GRAMD1C: variants seen among roughly 807,000 people sequenced by gnomAD.
GRAMD1C encodes protein Aster-C.
GRAMD1C carries 89 observed loss-of-function variants against 97.8 expected under a neutral mutation model. The observed-to-expected ratio is 0.91, with a 90% CI of 0.77 to 1.09. The LOEUF (loss-of-function observed/expected upper bound fraction) is 1.09. Among genes scored for constraint, GRAMD1C ranks in the 50% least tolerant of loss-of-function variants. The probability of loss-of-function intolerance (pLI) is 0.00; values close to 1 mark genes in which losing one functional copy is unlikely to be tolerated. For synonymous variants in GRAMD1C, 256 were observed against 267.0 expected, an observed-to-expected ratio of 0.96 and a Z score of 0.40; for missense variants, 740 against 766.4, an observed-to-expected ratio of 0.97 and a Z score of 0.41.
At chr3:113,945,293 C>T (rs1038322044) in intron 17 of GRAMD1C, 105 bp from the exon 18 acceptor site, 2 of 706,812 alleles carry the variant, frequency 2.8e-6, no homozygotes, top group African/African-American at 3.6e-5. Flanking sequence ...TCAGTATAAA[C>T]AAAACTATAT....
chr3:113,933,311 C>T (rs1215334071), intron 11 of GRAMD1C, among the ~76,000 whole-genome samples, 200 bp from the exon 12 acceptor site: 1 of 152,210 alleles, frequency 6.6e-6, no homozygotes, highest in Admixed American at 6.5e-5. Context: ...GGATTACAGG[C>T]ATAAGCCGCC....
intron 2 of GRAMD1C, among the ~76,000 whole-genome samples, chr3:113,859,884 C>T (rs552161142): frequency 6.6e-6 from 1 of 152,302 alleles, no homozygotes; most frequent in African/African-American, 2.4e-5. Flanking sequence ...CAGCACTTCC[C>T]AGATTATTCT....
chr3:113,840,225 C>A (rs1219681399), intron 1 of GRAMD1C, among the ~76,000 whole-genome samples: 1 of 152,112 alleles, frequency 6.6e-6, no homozygotes, highest in East Asian at 1.9e-4. Flanking sequence ...CTCGGCCTCC[C>A]AAAGTACTGG....
intron 5 of GRAMD1C, among the ~76,000 whole-genome samples, chr3:113,879,185 A>G (rs940346494): frequency 2.0e-5 from 3 of 146,444 alleles, no homozygotes; most frequent in African/African-American, 5.1e-5. Flanking sequence ...AGCCTGGGTG[A>G]CAGAGTGAGA....
intron 6 of GRAMD1C, among the ~76,000 whole-genome samples, chr3:113,887,092 T>G (rs13080001): frequency 0.14 from 15,205 of 111,660 alleles, 1,175 homozygotes; most frequent in South Asian, 0.21. Context: ...TTTGTTTTTT[T>G]TTTGTTTTTT....
chr3:113,938,542 A>C (rs990515238), intron 15 of GRAMD1C: 1 of 154,752 alleles, frequency 6.5e-6, no homozygotes, highest in African/African-American at 2.4e-5. Context: ...TGTGCCTAAG[A>C]ATCACTTGGG....
intron 14 of GRAMD1C, 78 bp downstream of exon 14, chr3:113,936,520 G>T (rs1400902869): frequency 3.4e-6 from 3 of 879,658 alleles, no homozygotes; most frequent in Non-Finnish European, 5.4e-6. Context: ...TTGTTTGTAA[G>T]AATATGTCAG....
chr3:113,945,603 T>C lies in GRAMD1C; in HGVS notation c.*125T>C. ...GTTTTTTCATTATTGAGATTTCTAA[T>C]ATGAACATTTCTTTCAGTAACATTT... is the stretch of plus-strand genomic sequence containing the variant. On this transcript the variant is annotated 3_prime_UTR_variant, in exon 18 of 18. Coordinates refer to ENST00000358160, the MANE Select transcript of GRAMD1C (RefSeq NM_017577.5). 1.6e-6 allele frequency: 1 copy of C among 606,964 alleles called. No individual in the cohort carries two copies. Among genetic ancestry groups the C allele is most frequent in the Non-Finnish European group, 3.0e-6 (1 of 337,948 alleles). The allele number at this position is 606,964 out of a possible 1,614,324, so 37.6% of individuals were successfully genotyped here.
intron 3 of GRAMD1C, among the ~76,000 whole-genome samples, chr3:113,874,385 G>GTC (rs1486049642): frequency 6.6e-6 from 1 of 151,526 alleles, no homozygotes; most frequent in African/African-American, 2.4e-5. Flanking sequence ...TGGAGACAGA[G>GTC]TCTCGCTCCC....
At position 113,934,475 on chromosome 3, in the gene GRAMD1C, G is replaced by T. The variant is rs1192708490; in HGVS notation, c.1396G>T (p.Val466Phe). The T allele has an allele frequency of 6.3e-7, 1 of 1,589,202 alleles. No individual in the cohort carries two copies. The highest frequency in any genetic ancestry group is 2.3e-5 in the East Asian group (1 of 44,054). The change falls in exon 13 of 18, where the codon GTC becomes TTC. Residue 466 changes from valine to phenylalanine, a missense_variant. Physicochemically the swap from Val to Phe is conservative, Grantham distance 50. Transcript: ENST00000358160. The part of the protein sequence containing the change: ...LKYRKQPWGL[V>F]KSLIEKNSWS... ...ATACAGAAAACAGCCATGGGGCCTT[G>T]TCAAATCTTTAATTGAAAAGAATTC...
intron 3 of GRAMD1C, among the ~76,000 whole-genome samples, chr3:113,872,919 A>G (rs1392250143): frequency 1.6e-5 from 2 of 128,446 alleles, no homozygotes; most frequent in Non-Finnish European, 3.1e-5. Context: ...TAAAAATACA[A>G]AAAAAAAAAA....
intron 2 of GRAMD1C, among the ~76,000 whole-genome samples, chr3:113,868,817 G>T (rs570370694): frequency 6.6e-6 from 1 of 152,284 alleles, no homozygotes; most frequent in Non-Finnish European, 1.5e-5. Flanking sequence ...TCTCTAGTTT[G>T]TGTTACGCAC....
At position 113,889,962 on chromosome 3, in the gene GRAMD1C, C is replaced by A. The variant is rs115772655; in HGVS notation, c.540+7130C>A. Among the ~76,000 whole-genome samples, 1,420 of 152,142 alleles carry A rather than the reference C, an allele frequency of 9.3e-3. 18 individuals carry two copies. The highest frequency in any genetic ancestry group is 0.031 in the African/African-American group (1,284 of 41,468). On this transcript the variant is annotated intron_variant, in intron 6 of 17. Coordinates refer to ENST00000358160, the MANE Select transcript of GRAMD1C (RefSeq NM_017577.5). ...AGAAAGTTTCTTTCTTTGAAGCTGG[C>A]AGGTGGGAACTTAGCCTCCTCTCCT... is the stretch of plus-strand genomic sequence containing the variant.
At chr3:113,838,585 A>G (rs983419040), upstream of GRAMD1C, 2 of 297,200 alleles carry the variant, frequency 6.7e-6, no homozygotes, top group Non-Finnish European at 1.2e-5. Context: ...CAAAAAAAAA[A>G]AAAAAAAGTT....
intron 6 of GRAMD1C, among the ~76,000 whole-genome samples, chr3:113,898,739 G>A (rs887298847): frequency 1.3e-5 from 2 of 152,200 alleles, no homozygotes; most frequent in East Asian, 3.9e-4. Context: ...GGTTAATATA[G>A]TTCAGCTCGA....
chr3:113,864,052 C>T (rs951308118), intron 2 of GRAMD1C, among the ~76,000 whole-genome samples: 2 of 152,170 alleles, frequency 1.3e-5, no homozygotes, highest in Non-Finnish European at 2.9e-5. Context: ...TATTCTCTCT[C>T]TCATTTTACT....
intron 2 of GRAMD1C, among the ~76,000 whole-genome samples, chr3:113,859,798 G>A (rs1934292000): frequency 6.6e-6 from 1 of 152,110 alleles, no homozygotes; most frequent in South Asian, 2.1e-4. Flanking sequence ...GACTTTACTG[G>A]TATATTCTAT....
intron 17 of GRAMD1C, among the ~76,000 whole-genome samples, chr3:113,941,001 C>T (rs963727687): frequency 5.9e-5 from 9 of 152,164 alleles, no homozygotes; most frequent in Non-Finnish European, 8.8e-5. Context: ...GTCCAGTGGC[C>T]CTCTATGCCG....
intron 1 of GRAMD1C, among the ~76,000 whole-genome samples, chr3:113,829,147 G>A (rs1218473139): frequency 1.3e-5 from 2 of 152,120 alleles, no homozygotes; most frequent in Non-Finnish European, 2.9e-5. Flanking sequence ...CTTAGGCTGG[G>A]TGCAGTGGCT....
Sources: allele counts gnomAD v4.1 joint callset (sites outside exome capture counted in the v4.1 genomes callset), GRCh38; gene constraint gnomAD v4.1.1; transcripts MANE v1.5; gene names NCBI Gene and HGNC (gene_info 2026-07-23, HGNC 2026-07-21).